CARMIL1: variants seen among roughly 807,000 people sequenced by gnomAD.
The protein encoded by CARMIL1 is F-actin-uncapping protein LRRC16A.
In CARMIL1, 90 loss-of-function variants were observed where a neutral mutation model predicts 177.1. The ratio of observed to expected loss-of-function variants is 0.51; its 90% confidence interval spans 0.43 to 0.61. The LOEUF is 0.61. CARMIL1 is among the 20% of genes least tolerant of loss of function. The probability of loss-of-function intolerance (pLI) is 0.00; values close to 1 mark genes in which losing one functional copy is unlikely to be tolerated. For missense variants in CARMIL1, 1,380 were observed against 1,667.0 expected (o/e 0.83, Z 3.00); for synonymous variants, 577 against 606.2 (o/e 0.95, Z 0.71).
In CARMIL1 at chr6:25,619,529, C is replaced by T; in HGVS notation, c.4062C>T (p.Gly1354=). The T allele has an allele frequency of 6.2e-7, 1 of 1,613,844 alleles. No individual in the cohort carries two copies. The highest frequency in any genetic ancestry group is 8.5e-7 in the Non-Finnish European group (1 of 1,179,846). Residue 1354 remains glycine (G), a synonymous_variant, in exon 37 of 37, where the codon GGC becomes GGT. Transcript: ENST00000329474. ...CCTCCAGTAAAGATGGCCATCAAGG[C>T]AGCAAATCTAATGACTCCGGGGAAG... The part of the protein sequence containing the change: ...QRSSSKDGHQ[G]SKSNDSGEEA...
intron 2 of CARMIL1, among the ~76,000 whole-genome samples, chr6:25,365,541 C>G (rs142359900): frequency 1.3e-5 from 2 of 152,148 alleles, no homozygotes; most frequent in Non-Finnish European, 2.9e-5. Flanking sequence ...AATTGCCGTC[C>G]GCCCCCCTCA....
chr6:25,594,532 G>T lies in CARMIL1; in HGVS notation c.3119+5G>T. The T allele has an allele frequency of 6.7e-7, 1 of 1,503,600 alleles. No homozygotes were observed. Among genetic ancestry groups the T allele is most frequent in the African/African-American group, 1.4e-5 (1 of 72,736 alleles). The allele number at this position is 1,503,600 out of a possible 1,614,324, so 93.1% of individuals were successfully genotyped here. A position where few individuals can be genotyped will look rare whatever the true frequency, so the allele number is the denominator to read the frequency against. Reference sequence around the variant, plus strand: ...GGTGACCAAAATGGATTCCAAGTGAGTTCAGAGTAATTTCACTGATAATGC... The same window carrying T: ...GGTGACCAAAATGGATTCCAAGTGATTTCAGAGTAATTTCACTGATAATGC... On this transcript the variant is annotated splice_donor_5th_base_variant and intron_variant, in intron 32 of 36. Transcript: ENST00000329474.
chr6:25,281,376 A>C (rs1010607196), intron 1 of CARMIL1, among the ~76,000 whole-genome samples: 7 of 152,048 alleles, frequency 4.6e-5, no homozygotes, highest in African/African-American at 1.7e-4. Context: ...TCAGGGGATA[A>C]GGATGGCTAA....
chr6:25,353,101 G>A (rs1035883166), intron 2 of CARMIL1, among the ~76,000 whole-genome samples: 5 of 152,284 alleles, frequency 3.3e-5, no homozygotes, highest in Non-Finnish European at 7.4e-5. Flanking sequence ...TCCTGCTCAG[G>A]ATATGACAGC....
intron 2 of CARMIL1, among the ~76,000 whole-genome samples, chr6:25,288,236 G>A (rs1183639102): frequency 6.6e-6 from 1 of 152,190 alleles, no homozygotes. Flanking sequence ...GCCTGAGAGA[G>A]CTTATGTTAG....
chr6:25,373,708 G>A (rs372369819), intron 2 of CARMIL1, among the ~76,000 whole-genome samples: 9 of 151,340 alleles, frequency 5.9e-5, no homozygotes, highest in African/African-American at 1.2e-4. Context: ...TCAGCCTTCC[G>A]AGTAGCTGGG....
intron 36 of CARMIL1, chr6:25,612,509 G>A (rs1816585193): frequency 6.6e-6 from 1 of 150,720 alleles, no homozygotes; most frequent in Non-Finnish European, 1.5e-5. Flanking sequence ...ATACTTTTTT[G>A]GGGCAGACTC....
chr6:25,600,641 G>A lies in CARMIL1; in HGVS notation c.3447G>A (p.Lys1149=). 6.2e-7 allele frequency: 1 copy of A among 1,613,874 alleles called. No homozygotes were observed. The highest frequency in any genetic ancestry group is 1.1e-5 in the South Asian group (1 of 91,030). The change falls in exon 33 of 37, where the codon AAG becomes AAA. Residue 1149 remains lysine (K), a synonymous_variant. Coordinates refer to ENST00000329474, the MANE Select transcript of CARMIL1 (RefSeq NM_017640.6). ...GGAAGGTGGAACGGAGTGACAGCAA[G>A]AGCAGCCCACAGGCAGGGCGGAGGT... ...EIGKVERSDS[K]SSPQAGRRYG...
intron 27 of CARMIL1, among the ~76,000 whole-genome samples, chr6:25,552,863 G>C (rs1208901517): frequency 6.6e-6 from 1 of 152,132 alleles, no homozygotes; most frequent in Non-Finnish European, 1.5e-5. Context: ...TAGATTTTCA[G>C]GTCCCTCTGA....
intron 20 of CARMIL1, among the ~76,000 whole-genome samples, chr6:25,511,620 T>C (rs1805456883): frequency 6.6e-6 from 1 of 152,200 alleles, no homozygotes; most frequent in Non-Finnish European, 1.5e-5. Context: ...ATGTGGAGTA[T>C]GTCACATTTG....
At chr6:25,451,879 T>C (rs193112677) in intron 8 of CARMIL1, among the ~76,000 whole-genome samples, 72 of 151,798 alleles carry the variant, frequency 4.7e-4, no homozygotes, top group African/African-American at 1.6e-3. Context: ...CTGATTGGAA[T>C]TGGGAGAGAA....
chr6:25,453,620 C>T (rs932879489), intron 8 of CARMIL1, among the ~76,000 whole-genome samples: 1 of 152,202 alleles, frequency 6.6e-6, no homozygotes, highest in Admixed American at 6.5e-5. Flanking sequence ...GTTTAAAAAA[C>T]TAGGAGCTTG....
chr6:25,504,129 G>T (rs7754961), intron 17 of CARMIL1, among the ~76,000 whole-genome samples: 90,779 of 151,858 alleles, frequency 0.6, 27,588 homozygotes, highest in Non-Finnish European at 0.65. Flanking sequence ...TCCAGATTTA[G>T]TTCTTCTCCT....
At chr6:25,339,345 C>T (rs771420602) in intron 2 of CARMIL1, among the ~76,000 whole-genome samples, 1 of 152,234 alleles carries the variant, frequency 6.6e-6, no homozygotes, top group Non-Finnish European at 1.5e-5. Context: ...TTTCTCTCTT[C>T]TTCCATAGTG....
chr6:25,359,274 T>C (rs1172132333), intron 2 of CARMIL1, among the ~76,000 whole-genome samples: 1 of 152,218 alleles, frequency 6.6e-6, no homozygotes, highest in Non-Finnish European at 1.5e-5. Context: ...CCGTTGGAAC[T>C]CTTTAATGTG....
At chr6:25,485,826 A>G (rs969853196) in intron 12 of CARMIL1, among the ~76,000 whole-genome samples, 5 of 152,094 alleles carry the variant, frequency 3.3e-5, no homozygotes, top group African/African-American at 1.2e-4. Context: ...AGTATTTTAC[A>G]TAGGATCTGA....
At chr6:25,437,164 ATG>A (rs1477089549) in intron 5 of CARMIL1, among the ~76,000 whole-genome samples, 8 of 152,298 alleles carry the variant, frequency 5.3e-5, no homozygotes, top group African/African-American at 1.7e-4. Flanking sequence ...GACTTTGTAC[ATG>A]TGTTTCTTTA....
At chr6:25,495,929 G>A (rs1341484859) in intron 16 of CARMIL1, among the ~76,000 whole-genome samples, 1 of 152,076 alleles carries the variant, frequency 6.6e-6, no homozygotes, top group African/African-American at 2.4e-5. Context: ...AAGTAGTTAC[G>A]ATTATGAAAG....
chr6:25,487,999 A>G (rs1802831088), intron 12 of CARMIL1, among the ~76,000 whole-genome samples: 1 of 152,116 alleles, frequency 6.6e-6, no homozygotes, highest in East Asian at 1.9e-4. Context: ...TTTTAATCCA[A>G]ATGTTTCCTT....
Sources: allele counts gnomAD v4.1 joint callset (sites outside exome capture counted in the v4.1 genomes callset), GRCh38; gene constraint gnomAD v4.1.1; transcripts MANE v1.5; gene names NCBI Gene and HGNC (gene_info 2026-07-23, HGNC 2026-07-21).